TMEM135: variants seen among roughly 807,000 people sequenced by gnomAD.
TMEM135 encodes the protein peroxisomal membrane protein 52.
Under a neutral mutation model 60.3 loss-of-function variants are expected in TMEM135, and 30 were observed. That is an observed-to-expected ratio of 0.50 (90% CI 0.37 to 0.68). The LOEUF is 0.68. TMEM135 is among the 30% of genes least tolerant of loss of function. TMEM135 has a pLI of 0.00. For synonymous variants in TMEM135, 190 were observed against 186.7 expected (o/e 1.02, Z -0.14); for missense variants, 468 against 548.8 (o/e 0.85, Z 1.47).
At chr11:87,265,685 C>G (rs1162227349) in intron 6 of TMEM135, among the ~76,000 whole-genome samples, 3 of 152,016 alleles carry the variant, frequency 2.0e-5, no homozygotes, top group African/African-American at 7.2e-5. Flanking sequence ...AAACACTTAA[C>G]TTTAAAATAG....
intron 5 of TMEM135, among the ~76,000 whole-genome samples, chr11:87,206,281 G>A (rs1187538635): frequency 1.3e-5 from 2 of 152,232 alleles, no homozygotes; most frequent in South Asian, 2.1e-4. Context: ...AGTAATACAT[G>A]TATATATGTA....
intron 1 of TMEM135, among the ~76,000 whole-genome samples, chr11:87,058,182 C>G (rs1440560147): frequency 3.3e-5 from 5 of 152,162 alleles, no homozygotes; most frequent in Non-Finnish European, 7.3e-5. Context: ...AAATGTTAAT[C>G]TCACCTAGAA....
intron 5 of TMEM135, among the ~76,000 whole-genome samples, chr11:87,208,637 A>G (rs1385820741): frequency 6.6e-6 from 1 of 152,252 alleles, no homozygotes; most frequent in Non-Finnish European, 1.5e-5. Flanking sequence ...CTTGGAAAAC[A>G]TATTTCAGGA....
chr11:87,285,844 TAGAGAGCTGATTGGTCCGTTTTAC>T (rs1248683014), intron 6 of TMEM135, among the ~76,000 whole-genome samples: 11 of 152,102 alleles, frequency 7.2e-5, no homozygotes, highest in Admixed American at 3.3e-4. Context: ...GTCCATTTTA[TAGAGAGCTGATTGGTCCGTTTTAC>T]AGAGAGCTGA....
At chr11:87,040,267 C>T (rs933448271) in intron 1 of TMEM135, among the ~76,000 whole-genome samples, 5 of 152,284 alleles carry the variant, frequency 3.3e-5, no homozygotes, top group Middle Eastern at 3.4e-3. Flanking sequence ...CTACTTGGAG[C>T]ATATAGCTGT....
chr11:87,291,514 GATTTTTT>G (rs1942260841), intron 6 of TMEM135, among the ~76,000 whole-genome samples: 2 of 86,200 alleles, frequency 2.3e-5, no homozygotes, highest in African/African-American at 8.4e-5. Flanking sequence ...GCAGCCAAGT[GATTTTTT>G]TTTTTTTTTT....
rs1941604392 is a variant in TMEM135 at position 87,259,641 on chromosome 11, C to T, written c.509+22957C>T. Among the ~76,000 whole-genome samples the T allele has an allele frequency of 2.6e-5, 4 of 152,136 alleles. No homozygotes were observed. In the South Asian group the frequency reaches 6.2e-4, roughly 24 times the overall value. ...AATGGGATCATTGGGAGAGAAAGTACACCATCGATATACAAGTTCATCTAA... is the reference window on the plus strand; with the variant it reads ...AATGGGATCATTGGGAGAGAAAGTATACCATCGATATACAAGTTCATCTAA... On this transcript the variant is annotated intron_variant, in intron 6 of 14. Coordinates refer to ENST00000305494, the MANE Select transcript of TMEM135 (RefSeq NM_022918.4).
In TMEM135 at chr11:87,209,012, C is replaced by T. The variant is rs187362850; in HGVS notation, c.463-27626C>T. ...ATGAAATCCTTTTCAGACAAGCAAACGCTAAAGGACTTTGTTACGACTAGA... is the reference window on the plus strand; with the variant it reads ...ATGAAATCCTTTTCAGACAAGCAAATGCTAAAGGACTTTGTTACGACTAGA... On this transcript the variant is annotated intron_variant, in intron 5 of 14. Coordinates refer to ENST00000305494, the MANE Select transcript of TMEM135 (RefSeq NM_022918.4). Among the ~76,000 whole-genome samples the T allele has an allele frequency of 1.2e-4, 19 of 152,208 alleles. No homozygotes were observed. In the South Asian group the frequency reaches 1.7e-3, roughly 13 times the overall value.
chr11:87,190,202 T>C (rs1215188762), intron 5 of TMEM135, among the ~76,000 whole-genome samples: 1 of 152,206 alleles, frequency 6.6e-6, no homozygotes, highest in African/African-American at 2.4e-5. Context: ...AAGCTCTTAC[T>C]ACTCCCTGAT....
At position 87,328,409 on chromosome 11, in the gene TMEM135, A is replaced by G; in HGVS notation, c.*7076A>G. The G allele has an allele frequency of 2.2e-6, 1 of 454,054 alleles. No individual in the cohort carries two copies. Among genetic ancestry groups the G allele is most frequent in the Non-Finnish European group, 4.4e-6 (1 of 226,788 alleles). 28.1% of individuals were successfully genotyped at this position (454,054 alleles called of 1,614,324 possible). On this transcript the variant is annotated 3_prime_UTR_variant, in exon 15 of 15. Coordinates refer to ENST00000305494, the MANE Select transcript of TMEM135 (RefSeq NM_022918.4). ...TGGGGTACAAGTGGTTTTTGGTTGC[A>G]TGGATGAATTGTATATTGGTGAAGT...
intron 5 of TMEM135, among the ~76,000 whole-genome samples, chr11:87,211,971 G>A (rs1373685466): frequency 6.6e-6 from 1 of 151,920 alleles, no homozygotes; most frequent in Non-Finnish European, 1.5e-5. Context: ...AAAAGAAAAG[G>A]CTCATTGGCC....
intron 4 of TMEM135, among the ~76,000 whole-genome samples, chr11:87,135,390 A>G (rs560274270): frequency 6.6e-6 from 1 of 152,084 alleles, no homozygotes; most frequent in Admixed American, 6.6e-5. Context: ...AGTTTGCCCT[A>G]ACTTTTATGT....
chr11:87,294,077 C>T (rs1942310603), intron 6 of TMEM135, among the ~76,000 whole-genome samples: 2 of 152,140 alleles, frequency 1.3e-5, no homozygotes, highest in Admixed American at 1.3e-4. Context: ...GATGGTATCT[C>T]ATTGTGGTTT....
At chr11:87,150,140 C>T (rs1434345390) in intron 4 of TMEM135, among the ~76,000 whole-genome samples, 2 of 148,174 alleles carry the variant, frequency 1.3e-5, no homozygotes, top group African/African-American at 5.0e-5. Context: ...TCGCTTGTAC[C>T]TGGGAGGTGG....
chr11:87,070,434 G>C (rs1419784380), intron 2 of TMEM135, among the ~76,000 whole-genome samples: 2 of 152,030 alleles, frequency 1.3e-5, no homozygotes, highest in Non-Finnish European at 2.9e-5. Context: ...CATGAGGTCA[G>C]GAGTTCGAGA....
At chr11:87,068,518 G>A (rs1011194597) in intron 2 of TMEM135, among the ~76,000 whole-genome samples, 1 of 152,158 alleles carries the variant, frequency 6.6e-6, no homozygotes, top group Non-Finnish European at 1.5e-5. Context: ...GCAATTAAAA[G>A]TATAATTTCT....
At chr11:87,302,268 A>G in intron 7 of TMEM135, 28 bp from the exon 8 acceptor site, 2 of 1,609,790 alleles carry the variant, frequency 1.2e-6, no homozygotes, top group Non-Finnish European at 1.7e-6. Flanking sequence ...TAAGTGAAAA[A>G]TGCCTCACAT....
intron 1 of TMEM135, among the ~76,000 whole-genome samples, chr11:87,046,727 A>C (rs1244066000): frequency 1.3e-5 from 2 of 152,206 alleles, no homozygotes; most frequent in African/African-American, 2.4e-5. Flanking sequence ...CGAGGGAGAG[A>C]GTTTAGAAAG....
chr11:87,321,838 G>A lies in TMEM135; in HGVS notation c.*505G>A, dbSNP rs1158253687. The A allele has an allele frequency of 1.3e-5, 6 of 454,344 alleles. No homozygotes were observed. Among genetic ancestry groups the A allele is most frequent in the Admixed American group, 4.7e-5 (2 of 42,526 alleles). 28.1% of individuals were successfully genotyped at this position (454,344 alleles called of 1,614,324 possible). On this transcript the variant is annotated 3_prime_UTR_variant, in exon 15 of 15. Transcript: ENST00000305494. Reference sequence around the variant, plus strand: ...TTATAGATTTGAAGTAACTCTCCACGGACAGTGCTGCTTTCGTGTAGAGCA... The same window carrying A: ...TTATAGATTTGAAGTAACTCTCCACAGACAGTGCTGCTTTCGTGTAGAGCA...
Sources: allele counts gnomAD v4.1 joint callset (sites outside exome capture counted in the v4.1 genomes callset), GRCh38; gene constraint gnomAD v4.1.1; transcripts MANE v1.5; gene names NCBI Gene and HGNC (gene_info 2026-07-23, HGNC 2026-07-21).